The following ZFYVE28 variants were observed in gnomAD, a reference collection of about 807,000 sequenced individuals.
ZFYVE28 encodes zinc finger FYVE-type containing 28.
A neutral mutation model predicts 82.1 loss-of-function variants in ZFYVE28; 40 were observed. The observed-to-expected ratio is 0.49, with a 90% CI of 0.38 to 0.63. ZFYVE28 has a LOEUF of 0.63. Among genes scored for constraint, ZFYVE28 ranks in the 30% least tolerant of loss-of-function variants. The probability of loss-of-function intolerance (pLI) is 0.00; values close to 1 mark genes in which losing one functional copy is unlikely to be tolerated. For missense variants in ZFYVE28, 1,321 were observed against 1,242.1 expected (o/e 1.06, Z -0.96); for synonymous variants, 612 against 546.1 (o/e 1.12, Z -1.68).
chr4:2,394,052 C>T lies in ZFYVE28; in HGVS notation c.39+24233G>A, dbSNP rs79052501. On this transcript the variant is annotated intron_variant, in intron 1 of 12. Coordinates refer to ENST00000290974, the MANE Select transcript of ZFYVE28 (RefSeq NM_020972.3). The surrounding 1 kb of genome is among the most constrained non-coding windows in gnomAD (Gnocchi z 4.0). Reference sequence around the variant, plus strand: ...GCTTGCACAGCTACTTCCCGACGCACGGCCGCCTCCCGGACCTTCAGAGCC... The same window carrying T: ...GCTTGCACAGCTACTTCCCGACGCATGGCCGCCTCCCGGACCTTCAGAGCC... Among the ~76,000 whole-genome samples, 391 of 152,280 alleles carry T rather than the reference C, an allele frequency of 2.6e-3. 8 individuals are homozygous for T. In the East Asian group the frequency reaches 0.06, roughly 24 times the overall value.
At chr4:2,392,439 G>T (rs1729942012) in intron 1 of ZFYVE28, among the ~76,000 whole-genome samples, 1 of 152,080 alleles carries the variant, frequency 6.6e-6, no homozygotes, top group Admixed American at 6.5e-5. Flanking sequence ...TAATAGATGG[G>T]ACTCTCTAAA....
intron 8 of ZFYVE28, among the ~76,000 whole-genome samples, chr4:2,301,598 C>G (rs553585265): frequency 6.6e-6 from 1 of 152,124 alleles, no homozygotes; most frequent in Non-Finnish European, 1.5e-5. Flanking sequence ...ACAGAGCTCA[C>G]GCCAGGAAGG....
chr4:2,279,671 C>T (rs1271940907), intron 8 of ZFYVE28, among the ~76,000 whole-genome samples: 2 of 151,314 alleles, frequency 1.3e-5, no homozygotes, highest in Non-Finnish European at 2.9e-5. Context: ...GTCCCAGCTA[C>T]TCAGGAGGCT....
intron 6 of ZFYVE28, among the ~76,000 whole-genome samples, chr4:2,327,251 A>AAT (rs67940269): frequency 2.1e-4 from 18 of 87,312 alleles, no homozygotes; most frequent in East Asian, 5.0e-4. Context: ...CTCCATCTCA[A>AAT]ATATATATAT....
chr4:2,295,259 T>G (rs1048701353), intron 8 of ZFYVE28, among the ~76,000 whole-genome samples: 4 of 152,190 alleles, frequency 2.6e-5, no homozygotes, highest in African/African-American at 9.7e-5. Context: ...TCTCCCAGGT[T>G]CAAGTGATTC....
chr4:2,312,047 C>T (rs890896423), intron 7 of ZFYVE28, among the ~76,000 whole-genome samples: 3 of 152,150 alleles, frequency 2.0e-5, no homozygotes, highest in Non-Finnish European at 4.4e-5. Context: ...CAAAAAGAAA[C>T]AGCCAAGTGT....
intron 1 of ZFYVE28, among the ~76,000 whole-genome samples, chr4:2,388,603 G>A (rs546398815): frequency 3.3e-5 from 5 of 152,172 alleles, no homozygotes; most frequent in Non-Finnish European, 5.9e-5. Flanking sequence ...GGCTTTCAGA[G>A]GAAGGAACAT....
intron 8 of ZFYVE28, among the ~76,000 whole-genome samples, chr4:2,276,799 T>TG (rs1252744112): frequency 3.3e-5 from 5 of 150,462 alleles, no homozygotes; most frequent in Non-Finnish European, 4.4e-5. Flanking sequence ...GGCGCCAGGG[T>TG]GGGCAGAGGG....
rs1013273840 is a variant in ZFYVE28, at chr4:2,332,106, T to C, written c.701+3599A>G. On this transcript the variant is annotated intron_variant, in intron 6 of 12. Transcript: ENST00000290974. The surrounding 1 kb of genome is among the most constrained non-coding windows in gnomAD (Gnocchi z 4.7). ...TGACACTGTGTGCTGGAGAAGGGAC[T>C]GGGGCTCTCGGGCAGCAGCACAGTC... Among the ~76,000 whole-genome samples the C allele has an allele frequency of 1.3e-5, 2 of 152,110 alleles. No individual in the cohort carries two copies. The highest frequency in any genetic ancestry group is 4.8e-5 in the African/African-American group (2 of 41,422).
At chr4:2,374,696 A>G (rs4132858) in intron 1 of ZFYVE28, among the ~76,000 whole-genome samples, 101,651 of 152,142 alleles carry the variant, frequency 0.67, 34,299 homozygotes, top group East Asian at 0.8. Flanking sequence ...GTGTGCTCAT[A>G]TAGAAAAATG....
At chr4:2,364,567 G>C in intron 1 of ZFYVE28, 2 of 985,560 alleles carry the variant, frequency 2.0e-6, no homozygotes, top group African/African-American at 3.5e-5. Flanking sequence ...AATTTAGACG[G>C]TCGGCACTGG....
intron 8 of ZFYVE28, among the ~76,000 whole-genome samples, chr4:2,301,669 AC>A (rs1715549372): frequency 1.3e-5 from 2 of 150,520 alleles, no homozygotes; most frequent in Admixed American, 6.6e-5. Context: ...ACCCCCCACC[AC>A]CCCCAGCAGC....
chr4:2,337,092 A>T (rs1721940434), intron 5 of ZFYVE28, among the ~76,000 whole-genome samples: 1 of 152,018 alleles, frequency 6.6e-6, no homozygotes, highest in Non-Finnish European at 1.5e-5. Flanking sequence ...CGTCCAATCC[A>T]TCATGCCAGA....
chr4:2,371,150 G>C (rs1024503836), intron 1 of ZFYVE28, among the ~76,000 whole-genome samples: 1 of 152,194 alleles, frequency 6.6e-6, no homozygotes, highest in Non-Finnish European at 1.5e-5. Flanking sequence ...TGGGGGCTGA[G>C]TGGGGAAGCA....
At chr4:2,318,551 C>T (rs1718574845) in intron 7 of ZFYVE28, among the ~76,000 whole-genome samples, 1 of 152,226 alleles carries the variant, frequency 6.6e-6, no homozygotes, top group South Asian at 2.1e-4. Flanking sequence ...AGTCCTCAAA[C>T]CCTGACGCTG....
intron 6 of ZFYVE28, among the ~76,000 whole-genome samples, chr4:2,333,872 G>C (rs1388383896): frequency 1.3e-5 from 2 of 152,220 alleles, no homozygotes; most frequent in African/African-American, 4.8e-5. Flanking sequence ...TTCTTCAAGT[G>C]AGTTTGGCCA....
At chr4:2,366,503 T>TG (rs1364752948) in intron 1 of ZFYVE28, among the ~76,000 whole-genome samples, 1 of 152,234 alleles carries the variant, frequency 6.6e-6, no homozygotes, top group Non-Finnish European at 1.5e-5. Context: ...TGCTCTCACT[T>TG]GCAGCAGAAG....
At chr4:2,364,818 G>T in intron 1 of ZFYVE28, 1 of 985,622 alleles carries the variant, frequency 1.0e-6, no homozygotes, top group African/African-American at 1.7e-5. Context: ...GAATGGCGGG[G>T]GCTGTGTTCC....
chr4:2,310,617 AAC>A (rs1383466015), intron 7 of ZFYVE28, among the ~76,000 whole-genome samples: 1 of 152,176 alleles, frequency 6.6e-6, no homozygotes, highest in Non-Finnish European at 1.5e-5. Context: ...CAGCTGGGGC[AAC>A]ACAGTAAAAC....
Sources: gnomAD v4.1 joint callset for allele counts (sites outside exome capture counted in the v4.1 genomes callset) on GRCh38, gnomAD v4.1.1 for gene constraint, Gnocchi (gnomAD v3.1) non-coding constraint, MANE v1.5 for transcripts, NCBI Gene and HGNC (gene_info 2026-07-23, HGNC 2026-07-21) for gene names.